The following SYN3 variants were observed in gnomAD, a reference collection of about 807,000 sequenced individuals.
SYN3 encodes the protein synapsin III.
Under a neutral mutation model 65.8 loss-of-function variants are expected in SYN3, and 35 were observed. The ratio of observed to expected loss-of-function variants is 0.53; its 90% CI spans 0.41 to 0.70. The LOEUF (loss-of-function observed/expected upper bound fraction) is 0.70. Among genes scored for constraint, SYN3 ranks in the 30% least tolerant of loss-of-function variants. The pLI is 0.00. For synonymous variants in SYN3, 270 were observed against 292.9 expected (o/e 0.92, Z 0.80); for missense variants, 680 against 749.0 (o/e 0.91, Z 1.08).
intron 7 of SYN3, among the ~76,000 whole-genome samples, chr22:32,573,491 G>C (rs1042406228): frequency 3.9e-5 from 6 of 152,154 alleles, no homozygotes; most frequent in Non-Finnish European, 7.3e-5. Context: ...ATATAGGACT[G>C]AGTTCATCAA....
intron 6 of SYN3, among the ~76,000 whole-genome samples, chr22:32,604,163 G>A (rs1473460438): frequency 6.6e-6 from 1 of 152,202 alleles, no homozygotes; most frequent in African/African-American, 2.4e-5. Context: ...TCTTGACTCT[G>A]AAGATTTAAA....
At chr22:32,572,916 C>T (rs181084547) in intron 7 of SYN3, among the ~76,000 whole-genome samples, 6 of 152,240 alleles carry the variant, frequency 3.9e-5, no homozygotes, top group East Asian at 1.9e-4. Context: ...TGATAGCATT[C>T]GAGGGGGCTC....
intron 6 of SYN3, chr22:32,860,223 T>C (rs552054533): frequency 6.6e-6 from 1 of 152,428 alleles, no homozygotes; most frequent in African/African-American, 2.4e-5. Flanking sequence ...GACTTCCTCC[T>C]GGAAAACGCT....
chr22:32,578,646 G>T (rs763740324), intron 7 of SYN3, among the ~76,000 whole-genome samples: 10 of 152,174 alleles, frequency 6.6e-5, no homozygotes, highest in Non-Finnish European at 1.3e-4. Flanking sequence ...CACTAGAACT[G>T]AAGATATCAC....
chr22:32,997,098 C>A (rs1419368560), intron 2 of SYN3, among the ~76,000 whole-genome samples: 1 of 152,208 alleles, frequency 6.6e-6, no homozygotes, highest in East Asian at 1.9e-4. Flanking sequence ...AACTGCGGTG[C>A]CCAGGCTAGC....
chr22:32,563,290 C>T (rs949697322), intron 7 of SYN3, among the ~76,000 whole-genome samples: 3 of 152,192 alleles, frequency 2.0e-5, no homozygotes, highest in Non-Finnish European at 4.4e-5. Flanking sequence ...AGATCACAGC[C>T]TGTAAGGGCA....
chr22:32,921,772 A>G (rs563281375), intron 4 of SYN3, among the ~76,000 whole-genome samples: 68 of 152,314 alleles, frequency 4.5e-4, no homozygotes, highest in Non-Finnish European at 9.6e-4. Context: ...AGCATTTCAC[A>G]TTATACTAAC....
At chr22:32,604,599 A>ATACCCTCCCTCACACTCT (rs1379696579) in intron 6 of SYN3, among the ~76,000 whole-genome samples, 1 of 151,886 alleles carries the variant, frequency 6.6e-6, no homozygotes, top group Non-Finnish European at 1.5e-5. Flanking sequence ...CTCCGCTGAA[A>ATACCCTCCCTCACACTCT]TTCTGTCCCT....
At chr22:32,901,455 C>T (rs539548338) in intron 4 of SYN3, among the ~76,000 whole-genome samples, 1 of 152,328 alleles carries the variant, frequency 6.6e-6, no homozygotes, top group East Asian at 1.9e-4. Flanking sequence ...TCTTGTCCCT[C>T]CTTTCAGGCC....
intron 4 of SYN3, among the ~76,000 whole-genome samples, chr22:32,872,734 C>A (rs905560859): frequency 4.6e-5 from 7 of 152,114 alleles, no homozygotes; most frequent in African/African-American, 7.2e-5. Context: ...GTACCCAGCA[C>A]CCCAGGTTCT....
chr22:32,519,239 A>C (rs2057833446), intron 12 of SYN3: 1 of 152,212 alleles, frequency 6.6e-6, no homozygotes, highest in Non-Finnish European at 1.5e-5. Flanking sequence ...TTCCCAGCTT[A>C]TCCTACGTTG....
At chr22:32,556,024 AG>A (rs1445687324) in intron 7 of SYN3, among the ~76,000 whole-genome samples, 1 of 152,190 alleles carries the variant, frequency 6.6e-6, no homozygotes, top group African/African-American at 2.4e-5. Context: ...AAGGCTTAGA[AG>A]CAGCAATGGG....
At chr22:32,697,942 G>A (rs550607519) in intron 6 of SYN3, among the ~76,000 whole-genome samples, 3 of 152,192 alleles carry the variant, frequency 2.0e-5, no homozygotes, top group African/African-American at 4.8e-5. Context: ...AGAGATGCAC[G>A]GAGCAGAGCT....
chr22:33,054,792 T>C (rs546859317), intron 1 of SYN3, among the ~76,000 whole-genome samples: 4 of 152,374 alleles, frequency 2.6e-5, no homozygotes, highest in African/African-American at 9.6e-5. Flanking sequence ...TATGTTATAC[T>C]ACATTTTGTT....
chr22:32,627,257 G>C (rs776776392), intron 6 of SYN3, among the ~76,000 whole-genome samples: 2 of 152,116 alleles, frequency 1.3e-5, no homozygotes, highest in Non-Finnish European at 2.9e-5. Context: ...GAAGGGCTGC[G>C]TTTTTTAAGC....
At chr22:32,761,717 T>G (rs974011363) in intron 6 of SYN3, among the ~76,000 whole-genome samples, 3 of 152,180 alleles carry the variant, frequency 2.0e-5, no homozygotes, top group African/African-American at 7.2e-5. Context: ...AAAATTCCTT[T>G]TAAAGCAAGA....
chr22:32,885,067 A>G (rs1028768566), intron 4 of SYN3, among the ~76,000 whole-genome samples: 31 of 152,108 alleles, frequency 2.0e-4, no homozygotes, highest in Admixed American at 2.0e-3. Context: ...TAACACTTAC[A>G]TAGTGTATAA....
At chr22:32,749,009 GA>G (rs1484105066) in intron 6 of SYN3, among the ~76,000 whole-genome samples, 2 of 149,800 alleles carry the variant, frequency 1.3e-5, no homozygotes, top group African/African-American at 5.1e-5. Flanking sequence ...GTTAATAGCT[GA>G]CCCTGCTTGG....
At chr22:33,015,290 A>G in intron 1 of SYN3, 1 of 619,236 alleles carries the variant, frequency 1.6e-6, no homozygotes, top group Non-Finnish European at 2.5e-6. Context: ...ACTATTTTAA[A>G]CGGCGTTTGA....
Sources: allele counts gnomAD v4.1 joint callset (sites outside exome capture counted in the v4.1 genomes callset), GRCh38; gene constraint gnomAD v4.1.1; transcripts MANE v1.5; gene names NCBI Gene and HGNC (gene_info 2026-07-23, HGNC 2026-07-21).